SCN11A: variants seen among roughly 807,000 people sequenced by gnomAD.
SCN11A encodes the protein sodium channel protein type 11 subunit alpha.
SCN11A carries 122 observed loss-of-function variants against 162.2 expected under a neutral mutation model. That is an observed-to-expected ratio of 0.75 (90% confidence interval 0.65 to 0.87). The LOEUF (loss-of-function observed/expected upper bound fraction) is 0.87, where lower values mean the gene tolerates loss of function less well. Ranked by LOEUF, SCN11A falls within the 40% of genes least tolerant of loss-of-function variation. The pLI is 0.00. For missense variants in SCN11A, 2,015 were observed against 2,181.6 expected (o/e 0.92, Z 1.52); for synonymous variants, 758 against 751.5 (o/e 1.01, Z -0.14).
intron 28 of SCN11A, among the ~76,000 whole-genome samples, chr3:38,855,723 A>G (rs2064857701): frequency 6.6e-6 from 1 of 152,154 alleles, no homozygotes; most frequent in South Asian, 2.1e-4. Flanking sequence ...GAGTCTGTCC[A>G]CGTGACAACT....
intron 2 of SCN11A, among the ~76,000 whole-genome samples, chr3:38,965,361 C>T (rs1167038989): frequency 6.6e-6 from 1 of 152,234 alleles, no homozygotes; most frequent in African/African-American, 2.4e-5. Flanking sequence ...GAAGGAGGCC[C>T]TGCCAGGCCC....
chr3:38,951,955 G>A (rs2066626368), intron 4 of SCN11A, among the ~76,000 whole-genome samples: 1 of 152,034 alleles, frequency 6.6e-6, no homozygotes, highest in South Asian at 2.1e-4. Flanking sequence ...AACCCGCTGG[G>A]GTCCCCTTCC....
intron 23 of SCN11A, among the ~76,000 whole-genome samples, chr3:38,878,428 TA>T (rs1240772007): frequency 9.2e-5 from 14 of 151,978 alleles, no homozygotes; most frequent in Non-Finnish European, 2.9e-5. Flanking sequence ...GTAGACCAAT[TA>T]GCTTTAGGAC....
chr3:39,010,568 T>C (rs1322680947), intron 2 of SCN11A, among the ~76,000 whole-genome samples: 2 of 151,958 alleles, frequency 1.3e-5, no homozygotes, highest in Non-Finnish European at 2.9e-5. Context: ...TTAGTAGAGA[T>C]GGGGTTTCAC....
At chr3:38,962,187 G>A (rs2066745768) in intron 2 of SCN11A, among the ~76,000 whole-genome samples, 1 of 152,086 alleles carries the variant, frequency 6.6e-6, no homozygotes, top group South Asian at 2.1e-4. Context: ...AAGTATTTGG[G>A]TTTATTTCTG....
At chr3:39,032,859 T>C (rs2031796107) in intron 1 of SCN11A, among the ~76,000 whole-genome samples, 3 of 152,104 alleles carry the variant, frequency 2.0e-5, no homozygotes, top group African/African-American at 7.2e-5. Flanking sequence ...AAATTGAAGA[T>C]GAGAGAAACT....
Position 39,037,882 on chromosome 3 carries a change from T to C in SCN11A, c.-403-5379A>G, listed in dbSNP as rs376526802. 5.3e-5 allele frequency among the ~76,000 whole-genome samples: 8 copies of C among 152,174 alleles called. No homozygotes were observed. In the East Asian group the frequency reaches 1.2e-3, roughly 22 times the overall value. ...GAGTTTTGGCAGAAGTCTTAAAAGC[T>C]GAAAACAATGTAATAGGTGTCAAGG... On this transcript the variant is annotated intron_variant, in intron 1 of 29. Transcript: ENST00000302328.
intron 2 of SCN11A, among the ~76,000 whole-genome samples, chr3:38,960,738 AC>A (rs2066733765): frequency 6.6e-6 from 1 of 151,748 alleles, no homozygotes; most frequent in Non-Finnish European, 1.5e-5. Flanking sequence ...CTGGGGTCTC[AC>A]CCCCCACAGG....
intron 7 of SCN11A, among the ~76,000 whole-genome samples, chr3:38,939,171 T>A (rs1289583570): frequency 6.6e-6 from 1 of 151,800 alleles, no homozygotes; most frequent in African/African-American, 2.4e-5. Context: ...AGATTCTGTC[T>A]CAAAAAATAC....
chr3:38,997,442 C>T (rs918969674), intron 2 of SCN11A, among the ~76,000 whole-genome samples: 1 of 152,246 alleles, frequency 6.6e-6, no homozygotes, highest in Non-Finnish European at 1.5e-5. Flanking sequence ...CTATACCAGT[C>T]ACCCTATTTA....
intron 28 of SCN11A, among the ~76,000 whole-genome samples, chr3:38,855,942 G>A (rs2064861729): frequency 6.6e-6 from 1 of 152,194 alleles, no homozygotes; most frequent in Non-Finnish European, 1.5e-5. Context: ...GCCCTGCCAG[G>A]TGGCTAGAAC....
chr3:38,910,239 A>G (rs545240592), intron 11 of SCN11A, 32 bp from the exon 12 acceptor site: 7 of 1,594,280 alleles, frequency 4.4e-6, no homozygotes, highest in Non-Finnish European at 5.1e-6. Flanking sequence ...AGAAATAATT[A>G]TGTACGCCAC....
intron 2 of SCN11A, among the ~76,000 whole-genome samples, chr3:38,994,577 T>A (rs1032344610): frequency 5.9e-5 from 9 of 152,144 alleles, no homozygotes; most frequent in Non-Finnish European, 1.3e-4. Context: ...GAGATAAGCA[T>A]GTAGGTTTAC....
chr3:38,931,291 C>G (rs909450298), intron 7 of SCN11A, among the ~76,000 whole-genome samples: 4 of 152,216 alleles, frequency 2.6e-5, no homozygotes, highest in African/African-American at 7.2e-5. Context: ...CAGAGACAGA[C>G]AGTCCCTACA....
rs747748812 is a variant in SCN11A, at chr3:38,850,647, T to C, written c.4161A>G (p.Ser1387=). ...ATTTCATGGCTTTGGGTTGGTTGTA[T>C]GATTCAGCCATCATGCTAATCATGT... ...ILNMISMMAE[S]YNQPKAMKSI... The change falls in exon 29 of 30, where the codon TCA becomes TCG. Residue 1387 remains serine, a synonymous_variant. Coordinates refer to ENST00000302328, the MANE Select transcript of SCN11A (RefSeq NM_001349253.2). 1 of 1,613,940 alleles carries C rather than the reference T, an allele frequency of 6.2e-7. No individual in the cohort carries two copies. The highest frequency in any genetic ancestry group is 8.5e-7 in the Non-Finnish European group (1 of 1,179,928).
intron 1 of SCN11A, among the ~76,000 whole-genome samples, chr3:39,036,390 C>A (rs2031906024): frequency 6.6e-6 from 1 of 152,154 alleles, no homozygotes; most frequent in Non-Finnish European, 1.5e-5. Context: ...AGTGATCTAC[C>A]CGCCTCGGCC....
intron 17 of SCN11A, 112 bp downstream of exon 17, chr3:38,899,782 G>C (rs141344922): frequency 3.7e-6 from 3 of 820,672 alleles, no homozygotes; most frequent in African/African-American, 1.7e-5. Context: ...TTGGTTCTGG[G>C]GTTAAGGTAA....
chr3:38,888,009 G>C (rs1242299958), intron 19 of SCN11A, among the ~76,000 whole-genome samples: 2 of 152,146 alleles, frequency 1.3e-5, no homozygotes, highest in Non-Finnish European at 1.5e-5. Flanking sequence ...GAAATATAAA[G>C]TAGTAAGAAT....
chr3:39,018,148 C>A (rs2031345827), intron 2 of SCN11A, among the ~76,000 whole-genome samples: 1 of 152,194 alleles, frequency 6.6e-6, no homozygotes, highest in South Asian at 2.1e-4. Flanking sequence ...GGCCACTATT[C>A]CTGGCTTTTT....
Sources: gnomAD v4.1 joint callset for allele counts (sites outside exome capture counted in the v4.1 genomes callset) on GRCh38, gnomAD v4.1.1 for gene constraint, MANE v1.5 for transcripts, NCBI Gene and HGNC (gene_info 2026-07-23, HGNC 2026-07-21) for gene names.